The following NCAM1 variants were observed in gnomAD, a reference collection of about 807,000 sequenced individuals.
The protein encoded by NCAM1 is antigen recognized by monoclonal antibody 5.1H11.
NCAM1 carries 14 observed loss-of-function variants against 109.8 expected under a neutral mutation model. That is an observed-to-expected ratio of 0.13 (90% CI 0.08 to 0.20). NCAM1 has a LOEUF of 0.20. Among genes scored for constraint, NCAM1 ranks in the 10% least tolerant of loss-of-function variants. NCAM1 has a pLI of 1.00. For missense variants in NCAM1, 774 were observed against 1,109.9 expected (o/e 0.70, Z 4.30); for synonymous variants, 418 against 442.9 (o/e 0.94, Z 0.70).
rs576965258 is a variant in NCAM1 at position 113,214,758 on chromosome 11, G to T, written c.1059+247G>T. ...GTGATGTATGGGCATGCTCAAGTTA[G>T]ATGTTCTGGGGAGGAGGCAATGGTG... On this transcript the variant is annotated intron_variant, in intron 8 of 19. Coordinates refer to ENST00000316851, the MANE Select transcript of NCAM1 (RefSeq NM_181351.5). 3.9e-5 allele frequency among the ~76,000 whole-genome samples: 6 copies of T among 152,298 alleles called. No individual in the cohort carries two copies. In the South Asian group the frequency reaches 8.3e-4, roughly 21 times the overall value.
At chr11:113,086,428 C>T (rs1267764716) in intron 1 of NCAM1, among the ~76,000 whole-genome samples, 3 of 152,186 alleles carry the variant, frequency 2.0e-5, no homozygotes, top group Non-Finnish European at 2.9e-5. Context: ...TTCTTAAATA[C>T]ACTTTTCATT....
chr11:113,144,673 T>C (rs1003400156), intron 1 of NCAM1, among the ~76,000 whole-genome samples: 3 of 152,204 alleles, frequency 2.0e-5, no homozygotes, highest in Non-Finnish European at 2.9e-5. Context: ...AGCATTTGTA[T>C]TTTCTGGGTC....
chr11:113,271,685 A>C, intron 18 of NCAM1, 75 bp from the exon 19 acceptor site: 2 of 1,143,730 alleles, frequency 1.7e-6, no homozygotes, highest in Non-Finnish European at 2.5e-6. Context: ...CCTTGGGTTG[A>C]GTCATAGCTG....
chr11:113,152,576 C>A (rs558104727), intron 1 of NCAM1, among the ~76,000 whole-genome samples: 2 of 152,330 alleles, frequency 1.3e-5, no homozygotes, highest in East Asian at 1.9e-4. Context: ...CCATCCTTAG[C>A]CAGGTTGATT....
intron 1 of NCAM1, among the ~76,000 whole-genome samples, chr11:113,038,945 A>G (rs1482294431): frequency 6.6e-6 from 1 of 152,200 alleles, no homozygotes; most frequent in African/African-American, 2.4e-5. Flanking sequence ...TACTGCGGAT[A>G]TGATGAAATG....
intron 1 of NCAM1, among the ~76,000 whole-genome samples, chr11:113,126,531 C>G (rs1472144287): frequency 6.6e-6 from 1 of 152,184 alleles, no homozygotes; most frequent in Non-Finnish European, 1.5e-5. Context: ...TCACCCTGCT[C>G]TTTTATTGCT....
intron 1 of NCAM1, among the ~76,000 whole-genome samples, chr11:112,998,982 A>C (rs1555071964): frequency 6.6e-6 from 1 of 152,168 alleles, no homozygotes; most frequent in Non-Finnish European, 1.5e-5. Context: ...GCCAAAAATA[A>C]AAACAAAAAC....
Position 113,277,106 on chromosome 11 carries a change from G to T in NCAM1, c.*1719G>T. On this transcript the variant is annotated 3_prime_UTR_variant, in exon 20 of 20. Transcript: ENST00000316851. ...AAAATGAAATACAGATGATGATGAT[G>T]ATGATGAAGATGATGCTAAGTAAAC... 2 of 380,816 alleles carry T rather than the reference G, an allele frequency of 5.3e-6. No homozygotes were observed. The highest frequency in any genetic ancestry group is 9.3e-6 in the Non-Finnish European group (2 of 215,322). 23.6% of individuals were successfully genotyped at this position (380,816 alleles called of 1,614,324 possible).
intron 1 of NCAM1, among the ~76,000 whole-genome samples, chr11:113,118,465 C>T (rs1555095346): frequency 6.6e-6 from 1 of 151,986 alleles, no homozygotes; most frequent in Non-Finnish European, 1.5e-5. Flanking sequence ...CTAAAAGCAC[C>T]TGCCTCATTC....
At chr11:112,992,937 T>C (rs17114654) in intron 1 of NCAM1, among the ~76,000 whole-genome samples, 6,351 of 152,232 alleles carry the variant, frequency 0.042, 447 homozygotes, top group Admixed American at 0.14. Context: ...TTTTTGTCCT[T>C]ATTTGTTGAC....
intron 1 of NCAM1, among the ~76,000 whole-genome samples, chr11:113,195,886 A>G (rs900414532): frequency 8.1e-5 from 12 of 147,446 alleles, no homozygotes; most frequent in Non-Finnish European, 1.6e-4. Context: ...TACATGTGTC[A>G]TTGGGAATTT....
At chr11:113,081,141 T>G (rs1469319443) in intron 1 of NCAM1, among the ~76,000 whole-genome samples, 1 of 152,172 alleles carries the variant, frequency 6.6e-6, no homozygotes, top group Non-Finnish European at 1.5e-5. Context: ...TGATAAACAT[T>G]GGGGATGCCC....
intron 1 of NCAM1, among the ~76,000 whole-genome samples, chr11:113,071,519 G>C (rs1019705247): frequency 6.6e-6 from 1 of 150,432 alleles, no homozygotes; most frequent in East Asian, 2.0e-4. Flanking sequence ...TCCGCCTCCT[G>C]GGTTCACACC....
intron 1 of NCAM1, among the ~76,000 whole-genome samples, chr11:113,181,949 C>T (rs1412858676): frequency 1.3e-5 from 2 of 152,098 alleles, no homozygotes; most frequent in Non-Finnish European, 2.9e-5. Flanking sequence ...GGGGTACATT[C>T]GGAATACACA....
intron 1 of NCAM1, among the ~76,000 whole-genome samples, chr11:113,095,910 T>C (rs535807532): frequency 2.4e-4 from 36 of 152,284 alleles, no homozygotes; most frequent in Non-Finnish European, 1.3e-4. Flanking sequence ...AATAGCTGTT[T>C]TTAAAAATCT....
At chr11:113,057,461 G>A (rs1953751575) in intron 1 of NCAM1, among the ~76,000 whole-genome samples, 1 of 152,072 alleles carries the variant, frequency 6.6e-6, no homozygotes, top group Non-Finnish European at 1.5e-5. Flanking sequence ...TAAAGAAAAG[G>A]ATGAGGACAT....
chr11:112,990,222 G>A (rs1565367808), intron 1 of NCAM1, among the ~76,000 whole-genome samples: 1 of 152,210 alleles, frequency 6.6e-6, no homozygotes, highest in Non-Finnish European at 1.5e-5. Context: ...ATAGACAGTT[G>A]TGTTTTTCTC....
intron 14 of NCAM1, among the ~76,000 whole-genome samples, chr11:113,242,640 G>C (rs1555119323): frequency 6.6e-6 from 1 of 152,114 alleles, no homozygotes; most frequent in African/African-American, 2.4e-5. Flanking sequence ...TATTAATATT[G>C]ATAGAGAAGA....
intron 12 of NCAM1, among the ~76,000 whole-genome samples, 158 bp from the exon 13 acceptor site, chr11:113,232,989 G>A (rs1459850835): frequency 3.9e-5 from 6 of 152,172 alleles, no homozygotes; most frequent in Non-Finnish European, 7.3e-5. Flanking sequence ...GGGCATGTTG[G>A]GGGAGAAGCA....
Sources: gnomAD v4.1 joint callset for allele counts (sites outside exome capture counted in the v4.1 genomes callset) on GRCh38, gnomAD v4.1.1 for gene constraint, MANE v1.5 for transcripts, NCBI Gene and HGNC (gene_info 2026-07-23, HGNC 2026-07-21) for gene names.